The following ANKRD31 variants were observed in gnomAD, a reference collection of about 807,000 sequenced individuals.
The protein encoded by ANKRD31 is ankyrin repeat domain-containing protein 31.
In ANKRD31, 147 loss-of-function variants were observed where a neutral mutation model predicts 186.0. The observed-to-expected ratio is 0.79, with a 90% CI of 0.69 to 0.91. ANKRD31 has a LOEUF of 0.91. Among genes scored for constraint, ANKRD31 ranks in the 40% least tolerant of loss-of-function variants. The pLI is 0.00. For synonymous variants in ANKRD31, 673 were observed against 736.4 expected (o/e 0.91, Z 1.39); for missense variants, 1,986 against 2,148.8 (o/e 0.92, Z 1.50).
At chr5:75,222,380 A>G (rs1222520541) in intron 2 of ANKRD31, 22 bp from the exon 3 acceptor site, 6 of 1,492,810 alleles carry the variant, frequency 4.0e-6, no homozygotes, top group Non-Finnish European at 5.4e-6. Flanking sequence ...CATAATCATA[A>G]ATCATTTACA....
chr5:75,162,513 G>A (rs1006280963), intron 11 of ANKRD31, among the ~76,000 whole-genome samples: 1 of 152,194 alleles, frequency 6.6e-6, no homozygotes, highest in Non-Finnish European at 1.5e-5. Flanking sequence ...TTCGGACTGT[G>A]GACTTCTGAG....
At chr5:75,132,707 A>G (rs927975373) in intron 17 of ANKRD31, among the ~76,000 whole-genome samples, 3 of 152,188 alleles carry the variant, frequency 2.0e-5, no homozygotes, top group Non-Finnish European at 4.4e-5. Context: ...TCCAAGACAC[A>G]TCATTGTCAG....
chr5:75,138,728 T>C, intron 16 of ANKRD31, 118 bp downstream of exon 16: 2 of 1,014,876 alleles, frequency 2.0e-6, no homozygotes, highest in Non-Finnish European at 2.7e-6. Context: ...TAAAAAAGAT[T>C]GTTCAAAGTT....
At chr5:75,172,911 A>G (rs1753462576) in intron 10 of ANKRD31, among the ~76,000 whole-genome samples, 1 of 152,212 alleles carries the variant, frequency 6.6e-6, no homozygotes, top group African/African-American at 2.4e-5. Flanking sequence ...TCCTGATACC[A>G]AAGCCTGGCA....
chr5:75,154,140 A>T, intron 12 of ANKRD31, 61 bp downstream of exon 12: 33 of 1,307,284 alleles, frequency 2.5e-5, no homozygotes, highest in Non-Finnish European at 3.3e-5. Context: ...TTAATTCTAA[A>T]TTAAATTTCT....
chr5:75,145,399 A>G (rs1047988722), intron 14 of ANKRD31, among the ~76,000 whole-genome samples: 13 of 152,134 alleles, frequency 8.5e-5, no homozygotes, highest in Non-Finnish European at 1.6e-4. Flanking sequence ...ATGGAATACT[A>G]TGCAGCCATA....
At chr5:75,135,534 A>C (rs896403110) in intron 17 of ANKRD31, among the ~76,000 whole-genome samples, 1 of 152,216 alleles carries the variant, frequency 6.6e-6, no homozygotes, top group Non-Finnish European at 1.5e-5. Flanking sequence ...AACAAATGGA[A>C]GAACATTCCA....
chr5:75,129,163 C>G (rs951091098), intron 17 of ANKRD31, among the ~76,000 whole-genome samples: 1 of 152,124 alleles, frequency 6.6e-6, no homozygotes, highest in Admixed American at 6.5e-5. Context: ...AGCATCACCC[C>G]CTTCCCTCTC....
chr5:75,091,362 G>T lies in ANKRD31; in HGVS notation c.5371C>A (p.Leu1791Ile). Residue 1791 changes from leucine to isoleucine, a missense_variant, in exon 23 of 26, where the codon CTT becomes ATT. Physicochemically the swap from Leu to Ile is conservative, Grantham distance 5 (BLOSUM62 2). Coordinates refer to ENST00000506364, the MANE Select transcript of ANKRD31 (RefSeq NM_001372053.1). ...HKASILLNGK[L>I]KVESGQIYKN... ...TAAATCTGACCACTTTCTACCTTAAGTTTACCATTCAATAAAATACTGGCT... is the reference window on the plus strand; with the variant it reads ...TAAATCTGACCACTTTCTACCTTAATTTTACCATTCAATAAAATACTGGCT... The T allele has an allele frequency of 6.5e-7, 1 of 1,536,924 alleles. No individual in the cohort carries two copies. Among genetic ancestry groups the T allele is most frequent in the Non-Finnish European group, 8.7e-7 (1 of 1,146,814 alleles).
intron 24 of ANKRD31, among the ~76,000 whole-genome samples, chr5:75,082,458 T>C (rs1745155723): frequency 1.3e-5 from 2 of 152,214 alleles, no homozygotes; most frequent in Admixed American, 1.3e-4. Context: ...GAGGGGATGC[T>C]GTAGCATAGG....
At chr5:75,139,084 A>G (rs575558712) in intron 15 of ANKRD31, 101 bp from the exon 16 acceptor site, 7 of 1,240,922 alleles carry the variant, frequency 5.6e-6, no homozygotes, top group Non-Finnish European at 7.6e-6. Flanking sequence ...ACCACACTAC[A>G]CAGAAACATA....
chr5:75,124,808 G>A (rs1214901137), intron 17 of ANKRD31, among the ~76,000 whole-genome samples: 2 of 151,854 alleles, frequency 1.3e-5, no homozygotes, highest in Non-Finnish European at 2.9e-5. Flanking sequence ...AGTCACTGGA[G>A]ACTCAGAAGG....
At chr5:75,141,869 G>A (rs937808286) in intron 15 of ANKRD31, among the ~76,000 whole-genome samples, 4 of 152,082 alleles carry the variant, frequency 2.6e-5, no homozygotes, top group African/African-American at 9.7e-5. Context: ...TGTTCCTGGT[G>A]TGTTTGTAGC....
chr5:75,165,436 C>T (rs747479590), intron 11 of ANKRD31, among the ~76,000 whole-genome samples: 8 of 151,948 alleles, frequency 5.3e-5, no homozygotes, highest in Non-Finnish European at 1.2e-4. Context: ...TATTAAGAAA[C>T]AAATGTTTAG....
intron 24 of ANKRD31, among the ~76,000 whole-genome samples, chr5:75,082,404 T>C (rs1319567834): frequency 1.3e-5 from 2 of 152,130 alleles, no homozygotes; most frequent in Non-Finnish European, 1.5e-5. Context: ...CTCTCTTCTG[T>C]ATTGTCCCCA....
chr5:75,072,660 TG>T (rs1744329575), intron 25 of ANKRD31, among the ~76,000 whole-genome samples: 1 of 152,194 alleles, frequency 6.6e-6, no homozygotes, highest in African/African-American at 2.4e-5. Flanking sequence ...AAGAAGTAGA[TG>T]GGATATTTCT....
intron 10 of ANKRD31, among the ~76,000 whole-genome samples, chr5:75,174,457 A>C (rs1221002957): frequency 6.6e-6 from 1 of 152,184 alleles, no homozygotes; most frequent in Non-Finnish European, 1.5e-5. Context: ...AACCTACAGA[A>C]TGGGAGAACA....
At chr5:75,221,113 G>A (rs1757274668) in intron 3 of ANKRD31, among the ~76,000 whole-genome samples, 1 of 152,072 alleles carries the variant, frequency 6.6e-6, no homozygotes. Context: ...ACAAGTAGGA[G>A]CTAAATCATG....
At chr5:75,098,616 G>C (rs1399250362) in intron 22 of ANKRD31, among the ~76,000 whole-genome samples, 1 of 152,092 alleles carries the variant, frequency 6.6e-6, no homozygotes. Flanking sequence ...TTGAGCAGTG[G>C]TTTGTAGTTC....
Sources: gnomAD v4.1 joint callset for allele counts (sites outside exome capture counted in the v4.1 genomes callset) on GRCh38, gnomAD v4.1.1 for gene constraint, MANE v1.5 for transcripts, NCBI Gene and HGNC (gene_info 2026-07-23, HGNC 2026-07-21) for gene names.